Variants in DYTN observed in about 807,000 individuals in gnomAD.
The protein encoded by DYTN is dystrotelin.
In DYTN, 75 loss-of-function variants were observed where a neutral mutation model predicts 69.6. The ratio of observed to expected loss-of-function variants is 1.08; its 90% CI spans 0.89 to 1.31. The LOEUF (loss-of-function observed/expected upper bound fraction) is 1.31, where lower values mean the gene tolerates loss of function less well. Among genes scored for constraint, DYTN ranks in the 50% most tolerant of loss-of-function variants. The pLI, the probability that DYTN is intolerant of heterozygous loss-of-function variation, is 0.00. For missense variants in DYTN, 726 were observed against 688.4 expected, an observed-to-expected ratio of 1.05 and a Z score of -0.61; for synonymous variants, 252 against 249.1, an observed-to-expected ratio of 1.01 and a Z score of -0.11.
At chr2:206,709,850 T>C (rs758031145) in intron 2 of DYTN, among the ~76,000 whole-genome samples, 8 of 152,234 alleles carry the variant, frequency 5.3e-5, no homozygotes, top group Non-Finnish European at 7.3e-5. Context: ...TTTCATAGCT[T>C]GGACCCAGTT....
chr2:206,682,576 C>A (rs1227318075), intron 9 of DYTN, among the ~76,000 whole-genome samples: 1 of 152,092 alleles, frequency 6.6e-6, no homozygotes, highest in African/African-American at 2.4e-5. Context: ...TGATCCTCTT[C>A]TCTTTCCCCT....
chr2:206,697,383 T>C (rs538106562), intron 7 of DYTN, among the ~76,000 whole-genome samples: 56 of 152,314 alleles, frequency 3.7e-4, no homozygotes, highest in Middle Eastern at 6.8e-3. Context: ...AAGGCCACTC[T>C]ATGGTCTTTG....
Position 206,655,823 on chromosome 2 carries a change from T to C in DYTN, c.1634-3902A>G, listed in dbSNP as rs1306626399. Among the ~76,000 whole-genome samples, 8 of 152,292 alleles carry C rather than the reference T, an allele frequency of 5.3e-5. No individual in the cohort carries two copies. In the East Asian group the frequency reaches 1.4e-3, roughly 26 times the overall value. ...TTTCCTTCTGCTATTAATTTCTAGT[T>C]TTATTTCACTGTGGTTGGAAAAGAT... is the stretch of plus-strand genomic sequence containing the variant. On this transcript the variant is annotated intron_variant, in intron 11 of 11. Transcript: ENST00000452335.
chr2:206,685,735 A>G (rs1282661543), intron 9 of DYTN, among the ~76,000 whole-genome samples: 1 of 152,096 alleles, frequency 6.6e-6, no homozygotes, highest in African/African-American at 2.4e-5. Flanking sequence ...GGCTCCTGCC[A>G]TTCAGAACCC....
chr2:206,656,546 T>C (rs1699449699), intron 11 of DYTN, among the ~76,000 whole-genome samples: 1 of 152,170 alleles, frequency 6.6e-6, no homozygotes, highest in African/African-American at 2.4e-5. Flanking sequence ...TGTCTTTTAG[T>C]TGTATTGCCC....
At chr2:206,688,124 G>A (rs1202650602) in intron 9 of DYTN, among the ~76,000 whole-genome samples, 1 of 152,162 alleles carries the variant, frequency 6.6e-6, no homozygotes, top group East Asian at 1.9e-4. Flanking sequence ...TGAACCCATT[G>A]TTCCTAGAGA....
chr2:206,705,853 T>A lies in DYTN; in HGVS notation c.317A>T (p.Gln106Leu). The change falls in exon 4 of 12, where the codon CAG becomes CTG. Residue 106 changes from glutamine (Q) to leucine (L), a missense_variant. Gln to Leu is a moderately radical substitution (Grantham distance 113). Coordinates refer to ENST00000452335, the MANE Select transcript of DYTN (RefSeq NM_001093730.1). ...MYNSKGTGFL[Q>L]LMPAAAALIT... ...TAGGGCAGCGGCCGCAGGCATAAGC[T>A]GGAGAAAACCTGTTCCTTTGCTGCA... The A allele has an allele frequency of 6.2e-7, 1 of 1,613,852 alleles. No homozygotes were observed. The highest frequency in any genetic ancestry group is 8.5e-7 in the Non-Finnish European group (1 of 1,179,836).
intron 10 of DYTN, 111 bp downstream of exon 10, chr2:206,665,759 G>C: frequency 7.5e-7 from 1 of 1,328,946 alleles, no homozygotes; most frequent in Non-Finnish European, 1.0e-6. Flanking sequence ...GGGGAGAAGA[G>C]GCAAGGGAAG....
At chr2:206,676,794 A>G (rs1204877387) in intron 9 of DYTN, among the ~76,000 whole-genome samples, 1 of 152,110 alleles carries the variant, frequency 6.6e-6, no homozygotes, top group Non-Finnish European at 1.5e-5. Flanking sequence ...CACACATACA[A>G]ATTAACTATA....
At chr2:206,694,377 T>C (rs986410896) in intron 8 of DYTN, among the ~76,000 whole-genome samples, 19 of 152,178 alleles carry the variant, frequency 1.2e-4, no homozygotes, top group African/African-American at 4.1e-4. Flanking sequence ...AAAAGAAAAA[T>C]TCTCCAAAAA....
At chr2:206,711,021 G>A (rs1700074619) in intron 1 of DYTN, among the ~76,000 whole-genome samples, 1 of 152,080 alleles carries the variant, frequency 6.6e-6, no homozygotes, top group Non-Finnish European at 1.5e-5. Context: ...AATATTTATT[G>A]AGCCCTTAGT....
intron 7 of DYTN, among the ~76,000 whole-genome samples, chr2:206,695,719 A>G (rs1371844712): frequency 6.6e-6 from 1 of 152,206 alleles, no homozygotes; most frequent in East Asian, 1.9e-4. Flanking sequence ...ACAGGGAGCT[A>G]TACATTTTTC....
intron 2 of DYTN, among the ~76,000 whole-genome samples, chr2:206,709,046 T>C (rs544549038): frequency 9.8e-5 from 15 of 152,336 alleles, no homozygotes; most frequent in African/African-American, 3.6e-4. Context: ...TGTTTGTTCC[T>C]GGAATAATAA....
chr2:206,689,797 T>G (rs1699846306), intron 9 of DYTN, among the ~76,000 whole-genome samples: 1 of 152,184 alleles, frequency 6.6e-6, no homozygotes, highest in Non-Finnish European at 1.5e-5. Context: ...AGCTACATTC[T>G]AAAAGAGCTC....
chr2:206,660,030 G>A (rs1056223362), intron 11 of DYTN, among the ~76,000 whole-genome samples: 4 of 129,464 alleles, frequency 3.1e-5, no homozygotes, highest in African/African-American at 1.1e-4. Context: ...AAGAAAAAAA[G>A]ATGTGTACCA....
At chr2:206,651,979 G>T in intron 11 of DYTN, 58 bp from the exon 12 acceptor site, 1 of 1,490,986 alleles carries the variant, frequency 6.7e-7, no homozygotes, top group East Asian at 2.3e-5. Flanking sequence ...TTCTCATGAA[G>T]ATATTGATAA....
At chr2:206,708,900 CTG>C (rs1049542987) in intron 2 of DYTN, among the ~76,000 whole-genome samples, 3 of 152,134 alleles carry the variant, frequency 2.0e-5, no homozygotes, top group Non-Finnish European at 4.4e-5. Context: ...AAGTTGAAAA[CTG>C]TGCATCCACA....
intron 1 of DYTN, among the ~76,000 whole-genome samples, chr2:206,712,916 T>A (rs975171966): frequency 3.3e-5 from 5 of 152,166 alleles, no homozygotes; most frequent in Non-Finnish European, 7.3e-5. Flanking sequence ...GAAGCAGAAT[T>A]TTTTTTCTCG....
chr2:206,690,248 C>T (rs1380287597), intron 9 of DYTN, among the ~76,000 whole-genome samples: 3 of 152,098 alleles, frequency 2.0e-5, no homozygotes, highest in Admixed American at 2.0e-4. Flanking sequence ...TTGCCAGTCC[C>T]CCGAGGTGGC....
Sources: gnomAD v4.1 joint callset for allele counts (sites outside exome capture counted in the v4.1 genomes callset) on GRCh38, gnomAD v4.1.1 for gene constraint, MANE v1.5 for transcripts, NCBI Gene and HGNC (gene_info 2026-07-23, HGNC 2026-07-21) for gene names.